The following PVT1 variants were observed in gnomAD, a reference collection of about 807,000 sequenced individuals.
PVT1 encodes the protein Pvt1 oncogene, also known as CXCR4/PVT1 fusion.
intron 2 of PVT1, among the ~76,000 whole-genome samples, chr8:127,818,466 C>T (rs1290862261): frequency 6.6e-6 from 1 of 152,138 alleles, no homozygotes; most frequent in Admixed American, 6.5e-5. Context: ...GAGAGGGACC[C>T]GGTTCATCAG....
intron 2 of PVT1, among the ~76,000 whole-genome samples, chr8:127,846,812 C>T (rs1176630882): frequency 6.6e-6 from 1 of 150,496 alleles, no homozygotes; most frequent in Non-Finnish European, 1.5e-5. Context: ...GCTGGGATTA[C>T]AGGTGCCTGC....
intron 3 of PVT1, among the ~76,000 whole-genome samples, chr8:127,920,556 T>C (rs943172456): frequency 6.6e-6 from 1 of 152,240 alleles, no homozygotes; most frequent in African/African-American, 2.4e-5. Context: ...CAGTGTTTTA[T>C]GATACGATAA....
intron 3 of PVT1, among the ~76,000 whole-genome samples, chr8:127,962,612 AT>A (rs1228416427): frequency 2.7e-5 from 4 of 149,980 alleles, no homozygotes; most frequent in Non-Finnish European, 4.5e-5. Flanking sequence ...TCTGCATTTT[AT>A]TTTTTTTTGT....
At chr8:127,952,105 C>G (rs1409805554) in intron 3 of PVT1, among the ~76,000 whole-genome samples, 1 of 152,054 alleles carries the variant, frequency 6.6e-6, no homozygotes, top group East Asian at 1.9e-4. Context: ...TGAGCCACCG[C>G]GCCTGGCCAA....
intron 3 of PVT1, among the ~76,000 whole-genome samples, chr8:127,911,515 G>C (rs1293881232): frequency 6.6e-6 from 1 of 152,248 alleles, no homozygotes; most frequent in Non-Finnish European, 1.5e-5. Context: ...TGAAGTACGG[G>C]ACTGGAGGTC....
chr8:128,031,172 G>A (rs976545542), intron 4 of PVT1, among the ~76,000 whole-genome samples: 2 of 152,242 alleles, frequency 1.3e-5, no homozygotes, highest in Non-Finnish European at 2.9e-5. Flanking sequence ...TGGTTAGGAG[G>A]CTGGGCACCT....
chr8:127,817,217 G>A (rs1364124210), intron 2 of PVT1, among the ~76,000 whole-genome samples: 1 of 151,852 alleles, frequency 6.6e-6, no homozygotes, highest in Non-Finnish European at 1.5e-5. Flanking sequence ...TGGTGTGATG[G>A]TTGAGAGCGC....
chr8:128,039,328 A>G (rs955654084), intron 4 of PVT1, among the ~76,000 whole-genome samples: 1 of 152,178 alleles, frequency 6.6e-6, no homozygotes, highest in African/African-American at 2.4e-5. Flanking sequence ...TCAGAGAACA[A>G]TCCACACCAG....
At position 127,911,134 on chromosome 8, in the gene PVT1, C is replaced by T. The variant is rs547842358; in HGVS notation, n.782+20136C>T. Among the ~76,000 whole-genome samples the T allele has an allele frequency of 5.3e-5, 8 of 152,246 alleles. No individual in the cohort carries two copies. In the East Asian group the frequency reaches 1.2e-3, roughly 22 times the overall value. ...ACCTCCTCTTCCTCCTGCCCTGAAC[C>T]GTCCAGGGACTCAGAGGAGGTCAGA... On this transcript the variant is annotated intron_variant and non_coding_transcript_variant, in intron 3 of 10. Coordinates refer to ENST00000651587, the Ensembl canonical transcript of PVT1.
chr8:127,867,585 G>T (rs1331111765), intron 2 of PVT1, among the ~76,000 whole-genome samples: 1 of 152,200 alleles, frequency 6.6e-6, no homozygotes, highest in African/African-American at 2.4e-5. Context: ...TCTGACAAAG[G>T]CCGGGCTGTT....
chr8:127,879,009 G>T (rs138590483), intron 2 of PVT1, among the ~76,000 whole-genome samples: 1 of 152,388 alleles, frequency 6.6e-6, no homozygotes, highest in East Asian at 1.9e-4. Flanking sequence ...ATGACGTGAA[G>T]AAATTACTGA....
At chr8:128,077,008 C>T (rs1287329929) in intron 5 of PVT1, among the ~76,000 whole-genome samples, 1 of 152,176 alleles carries the variant, frequency 6.6e-6, no homozygotes, top group Non-Finnish European at 1.5e-5. Context: ...CTTTGAGGCT[C>T]AGGACCACAG....
At chr8:127,949,509 A>G (rs1420842165) in intron 3 of PVT1, among the ~76,000 whole-genome samples, 1 of 149,114 alleles carries the variant, frequency 6.7e-6, no homozygotes, top group Non-Finnish European at 1.5e-5. Flanking sequence ...GCCTCCCTTC[A>G]CTGCCACTGC....
At chr8:127,821,893 C>CA (rs1230777637) in intron 2 of PVT1, among the ~76,000 whole-genome samples, 1 of 152,120 alleles carries the variant, frequency 6.6e-6, no homozygotes, top group African/African-American at 2.4e-5. Flanking sequence ...TAAACTGTGA[C>CA]ACAAACGGTG....
At chr8:127,957,898 G>T (rs1459937586) in intron 3 of PVT1, among the ~76,000 whole-genome samples, 1 of 152,248 alleles carries the variant, frequency 6.6e-6, no homozygotes, top group Non-Finnish European at 1.5e-5. Flanking sequence ...GCAGGGCAAG[G>T]CCGAGAAACA....
chr8:127,846,073 C>G (rs183199833), intron 2 of PVT1, among the ~76,000 whole-genome samples: 87 of 152,298 alleles, frequency 5.7e-4, no homozygotes, highest in Non-Finnish European at 8.8e-4. Context: ...GGAGCCTTTC[C>G]CAAGCACACA....
intron 3 of PVT1, among the ~76,000 whole-genome samples, chr8:127,904,622 G>A (rs560350128): frequency 7.2e-5 from 11 of 152,292 alleles, no homozygotes; most frequent in Admixed American, 2.0e-4. Flanking sequence ...CCTCCGTTAG[G>A]GGGATGGCAT....
rs71300279 is a variant in PVT1, at chr8:127,921,854, G to GTTTTTTTTTTTTTTTTTTTTT, written n.782+30860_782+30880dup. On this transcript the variant is annotated intron_variant and non_coding_transcript_variant, in intron 3 of 10. Coordinates refer to ENST00000651587, the Ensembl canonical transcript of PVT1. ...AAAAAAATTATAATTTTTGGTTCAT[G>GTTTTTTTTTTTTTTTTTTTTT]TTTTTTTTTTTTTTTTTTTTTTTTG... 1.8e-4 allele frequency among the ~76,000 whole-genome samples: 13 copies of GTTTTTTTTTTTTTTTTTTTTT among 71,924 alleles called. 1 individual carries two copies. The highest frequency in any genetic ancestry group is 1.5e-3 in the East Asian group (3 of 1,968). The allele number at this position is 71,924 out of a possible 152,430, so 47.2% of individuals were successfully genotyped here.
chr8:128,037,646 T>C (rs1813481501), intron 4 of PVT1, among the ~76,000 whole-genome samples: 1 of 152,120 alleles, frequency 6.6e-6, no homozygotes, highest in Non-Finnish European at 1.5e-5. Context: ...CCTCCCACGT[T>C]CTCTGCCCTT....
Sources: allele counts gnomAD v4.1 joint callset (sites outside exome capture counted in the v4.1 genomes callset), GRCh38; gene constraint gnomAD v4.1.1; transcripts MANE v1.5; gene names NCBI Gene and HGNC (gene_info 2026-07-23, HGNC 2026-07-21).